Variants in CFD observed in about 807,000 individuals in gnomAD.
CFD encodes the protein complement factor D.
In CFD, 24 loss-of-function variants were observed where a neutral mutation model predicts 21.1. That is an observed-to-expected ratio of 1.14 (90% CI 0.82 to 1.60). The LOEUF is 1.60. Among genes scored for constraint, CFD ranks in the 40% most tolerant of loss-of-function variants. CFD has a pLI of 0.00. For synonymous variants in CFD, 242 were observed against 175.9 expected (o/e 1.38, Z -2.97); for missense variants, 535 against 383.3 (o/e 1.40, Z -3.31).
intron 3 of CFD, 148 bp downstream of exon 3, chr19:861,153 G>A: frequency 1.0e-5 from 6 of 572,390 alleles, no homozygotes; most frequent in South Asian, 8.9e-5. Flanking sequence ...CCCTCACCCC[G>A]GGTCTAGCCT....
In CFD at chr19:863,578, G is replaced by T; in HGVS notation, c.*340G>T. 1 of 307,206 alleles carries T rather than the reference G, an allele frequency of 3.3e-6. No individual in the cohort carries two copies. The highest frequency in any genetic ancestry group is 4.2e-5 in the South Asian group (1 of 24,036). The allele number at this position is 307,206 out of a possible 1,614,324, so 19.0% of individuals were successfully genotyped here. ...GATTGCACCACTGCCCTCCAGCCTG[G>T]GCAACAGAGTGAAACCTTGTCTCTC... is the stretch of plus-strand genomic sequence containing the variant. On this transcript the variant is annotated 3_prime_UTR_variant, in exon 5 of 5. Transcript: ENST00000327726.
chr19:863,119 G>A lies in CFD; in HGVS notation c.643G>A (p.Gly215Arg), dbSNP rs958262314. ...KGDSGGPLVC[G>R]GVLEGVVTSG... is the part of the protein sequence containing the mutation. ...TGACTCCGGGGGCCCGCTGGTGTGC[G>A]GGGGCGTGCTCGAGGGCGTGGTCAC... is the stretch of plus-strand genomic sequence containing the variant. Residue 215 changes from glycine (G) to arginine (R), a missense_variant, in exon 5 of 5, where the codon GGG (glycine) becomes AGG (arginine). Gly to Arg is a moderately radical substitution (Grantham distance 125, BLOSUM62 -2). Coordinates refer to ENST00000327726, the MANE Select transcript of CFD (RefSeq NM_001928.4). 3.9e-6 allele frequency: 6 copies of A among 1,531,386 alleles called. No homozygotes were observed. The highest frequency in any genetic ancestry group is 5.2e-6 in the Non-Finnish European group (6 of 1,143,028). The allele number at this position is 1,531,386 out of a possible 1,614,324, so 94.9% of individuals were successfully genotyped here.
In CFD at chr19:863,092, G is replaced by T. The variant is rs2035831474; in HGVS notation, c.616G>T (p.Gly206Cys). ...AESNRRDSCK[G>C]DSGGPLVCGG... is the part of the protein sequence containing the mutation. ...TCACGGCCCCGTCCTGTTCCGGCAG[G>T]GTGACTCCGGGGGCCCGCTGGTGTG... The change falls in exon 5 of 5, where the codon GGT becomes TGT. Residue 206 changes from glycine (G) to cysteine (C), a missense_variant and splice_region_variant. Gly to Cys is a radical substitution (Grantham distance 159, BLOSUM62 -3). Transcript: ENST00000327726. 5 of 1,522,108 alleles carry T rather than the reference G, an allele frequency of 3.3e-6. No individual in the cohort carries two copies. Among genetic ancestry groups the T allele is most frequent in the Non-Finnish European group, 4.4e-6 (5 of 1,136,240 alleles). 94.3% of individuals were successfully genotyped at this position (1,522,108 alleles called of 1,614,324 possible).
intron 3 of CFD, 110 bp from the exon 4 acceptor site, chr19:861,589 C>A (rs2035794468): frequency 1.5e-6 from 2 of 1,342,788 alleles, no homozygotes; most frequent in East Asian, 5.0e-5. Flanking sequence ...CTGAGACCCA[C>A]GCCCCTGCCC....
intron 1 of CFD, among the ~76,000 whole-genome samples, chr19:860,105 G>T (rs1461150036): frequency 6.6e-6 from 1 of 152,060 alleles, no homozygotes; most frequent in African/African-American, 2.4e-5. Context: ...GCCCACTGTG[G>T]GTTCTGTACT....
intron 3 of CFD, among the ~76,000 whole-genome samples, chr19:861,374 G>A (rs1483223923): frequency 2.0e-5 from 1 of 49,078 alleles, no homozygotes; most frequent in Non-Finnish European, 6.2e-5. Flanking sequence ...GCTGCATGGG[G>A]ACCCCGCCCT....
chr19:860,042 A>C (rs1283126154), intron 1 of CFD, among the ~76,000 whole-genome samples: 1 of 152,036 alleles, frequency 6.6e-6, no homozygotes, highest in East Asian at 1.9e-4. Context: ...CTTATGTCCA[A>C]CTGGAAGGCA....
chr19:863,435 T>A lies in CFD; in HGVS notation c.*197T>A, dbSNP rs943698085. On this transcript the variant is annotated 3_prime_UTR_variant, in exon 5 of 5. Transcript: ENST00000327726. ...GCGCGACTCCATCTCTACAAATAAA[T>A]AAAAAATTAGCTGGGCAATTGGCGG... The A allele has an allele frequency of 1.9e-5, 12 of 641,058 alleles. No individual in the cohort carries two copies. Among genetic ancestry groups the A allele is most frequent in the East Asian group, 1.7e-4 (6 of 35,680 alleles). The allele number at this position is 641,058 out of a possible 1,614,324, so 39.7% of individuals were successfully genotyped here. A position where few individuals can be genotyped will look rare whatever the true frequency, so the allele number is the denominator to read the frequency against.
rs768267394 is a variant in CFD at position 860,949 on chromosome 19, G to A, written c.301G>A (p.Val101Met). ...SKRLYDVLRA[V>M]PHPDSQPDTI... ...GCGCCTGTACGACGTGCTCCGCGCA[G>A]TGCCCCACCCGGACAGCCAGCCCGA... Residue 101 changes from valine (V) to methionine (M), a missense_variant, in exon 3 of 5, where the codon GTG becomes ATG. Val to Met is a conservative substitution (Grantham distance 21). Coordinates refer to ENST00000327726, the MANE Select transcript of CFD (RefSeq NM_001928.4). 1.2e-6 allele frequency: 2 copies of A among 1,601,054 alleles called. No individual in the cohort carries two copies. The highest frequency in any genetic ancestry group is 1.1e-5 in the South Asian group (1 of 90,972).
At chr19:862,367 G>A (rs1041874176) in intron 4 of CFD, among the ~76,000 whole-genome samples, 1 of 145,768 alleles carries the variant, frequency 6.9e-6, no homozygotes, top group Non-Finnish European at 1.5e-5. Context: ...AGAGGGTTGG[G>A]GCATGAGGGG....
intron 4 of CFD, 107 bp from the exon 5 acceptor site, chr19:862,985 G>C: frequency 8.9e-7 from 1 of 1,127,746 alleles, no homozygotes; most frequent in South Asian, 1.6e-5. Context: ...ACACGGGAGG[G>C]ATGAGCGAGC....
At position 863,384 on chromosome 19, in the gene CFD, A is replaced by C. The variant is rs1026791973; in HGVS notation, c.*146A>C. On this transcript the variant is annotated 3_prime_UTR_variant, in exon 5 of 5. Transcript: ENST00000327726. ...GGTGGGAGGATCATTGGATCTCAGG[A>C]GTTCGAGATCAGCATGGGCCACGTA... The C allele has an allele frequency of 2.9e-5, 28 of 978,610 alleles. No individual in the cohort carries two copies. In the African/African-American group the frequency reaches 3.5e-4, roughly 12 times the overall value. 60.6% of individuals were successfully genotyped at this position (978,610 alleles called of 1,614,324 possible). A position where few individuals can be genotyped will look rare whatever the true frequency, so the allele number is the denominator to read the frequency against.
At position 859,739 on chromosome 19, in the gene CFD, C is replaced by T; in HGVS notation, c.50C>T (p.Ala17Val). Residue 17 changes from alanine to valine, a missense_variant, in exon 1 of 5, where the codon GCC (alanine) becomes GTC (valine). Physicochemically the swap from Ala to Val is moderately conservative, Grantham distance 64. Coordinates refer to ENST00000327726, the MANE Select transcript of CFD (RefSeq NM_001928.4). ...LAVLVLLGAA[A>V]CAAPPRGRIL... ...GTTCTGGTCCTCCTAGGAGCGGCCGCCTGCGGTGAGGAGGCCTGGGCCTGG... is the reference window on the plus strand; with the variant it reads ...GTTCTGGTCCTCCTAGGAGCGGCCGTCTGCGGTGAGGAGGCCTGGGCCTGG... 6.4e-7 allele frequency: 1 copy of T among 1,570,904 alleles called. No individual in the cohort carries two copies. The highest frequency in any genetic ancestry group is 8.6e-7 in the Non-Finnish European group (1 of 1,158,228).
Position 859,717 on chromosome 19 carries a change from C to G in CFD, c.28C>G (p.Leu10Val). The G allele has an allele frequency of 6.3e-7, 1 of 1,575,006 alleles. No homozygotes were observed. The highest frequency in any genetic ancestry group is 8.6e-7 in the Non-Finnish European group (1 of 1,160,698). MHSWERLAV[L>V]VLLGAAACAA... ...GCACAGCTGGGAGCGCCTGGCAGTT[C>G]TGGTCCTCCTAGGAGCGGCCGCCTG... The change falls in exon 1 of 5, where the codon CTG (leucine) becomes GTG (valine). Residue 10 changes from leucine (L) to valine (V), a missense_variant. Leu to Val is a conservative substitution (Grantham distance 32). Coordinates refer to ENST00000327726, the MANE Select transcript of CFD (RefSeq NM_001928.4).
intron 3 of CFD, 45 bp downstream of exon 3, chr19:861,050 C>G: frequency 6.3e-7 from 1 of 1,579,410 alleles, no homozygotes; most frequent in Non-Finnish European, 8.5e-7. Flanking sequence ...CTGGGATCCC[C>G]GGCCCACCCT....
chr19:863,293 A>G lies in CFD; in HGVS notation c.*55A>G. ...CAAGCAACAAAGTCCCGAGCAATGA[A>G]GTCATCCACTCCTGCATCTGGTTGG... is the stretch of plus-strand genomic sequence containing the variant. On this transcript the variant is annotated 3_prime_UTR_variant, in exon 5 of 5. Transcript: ENST00000327726. 6 of 1,536,210 alleles carry G rather than the reference A, an allele frequency of 3.9e-6. No individual in the cohort carries two copies. The highest frequency in any genetic ancestry group is 5.2e-6 in the Non-Finnish European group (6 of 1,145,384).
Position 860,775 on chromosome 19 carries a change from T to A in CFD, c.212+2T>A. ...CGCGGCGCACTGCCTGGAGGACGCG[T>A]GAGTGCCCGCGCCGCGCGGGGGAAG... On this transcript the variant is annotated splice_donor_variant, in intron 2 of 4. Coordinates refer to ENST00000327726, the MANE Select transcript of CFD (RefSeq NM_001928.4). LOFTEE classifies it high-confidence loss of function. 1 of 1,564,044 alleles carries A rather than the reference T, an allele frequency of 6.4e-7. No homozygotes were observed. The highest frequency in any genetic ancestry group is 8.6e-7 in the Non-Finnish European group (1 of 1,163,916).
chr19:860,840 C>T (rs1364087032), intron 2 of CFD, 21 bp from the exon 3 acceptor site: 4 of 1,559,196 alleles, frequency 2.6e-6, no homozygotes, highest in South Asian at 1.2e-5. Flanking sequence ...GCACCGACCG[C>T]GGACTCCGTC....
At position 861,884 on chromosome 19, in the gene CFD, G is replaced by A. The variant is rs764006608; in HGVS notation, c.543G>A (p.Arg181=). 24 of 1,589,068 alleles carry A rather than the reference G, an allele frequency of 1.5e-5. No homozygotes were observed. Among genetic ancestry groups the A allele is most frequent in the Middle Eastern group, 1.7e-4 (1 of 6,036 alleles). The change falls in exon 4 of 5, where the codon CGG becomes CGA. Residue 181 remains arginine, a synonymous_variant. Transcript: ENST00000327726. ...TGCTGGACCGCGCCACCTGCAACCG[G>A]CGCACGCACCACGACGGCGCCATCA... ...LPVLDRATCN[R]RTHHDGAITE... is the part of the protein sequence containing the mutation.
Sources: allele counts gnomAD v4.1 joint callset (sites outside exome capture counted in the v4.1 genomes callset), GRCh38; gene constraint gnomAD v4.1.1; transcripts MANE v1.5; gene names NCBI Gene and HGNC (gene_info 2026-07-23, HGNC 2026-07-21).